The following DYM variants were observed in gnomAD, a reference collection of about 807,000 sequenced individuals.
DYM encodes dyggve-Melchior-Clausen syndrome protein.
A neutral mutation model predicts 93.1 loss-of-function variants in DYM; 78 were observed. That is an observed-to-expected ratio of 0.84 (90% CI 0.70 to 1.01). The LOEUF (loss-of-function observed/expected upper bound fraction) is 1.01. Among genes scored for constraint, DYM ranks in the 50% least tolerant of loss-of-function variants. The pLI is 0.00. For synonymous variants in DYM, 321 were observed against 319.7 expected, an observed-to-expected ratio of 1.00 and a Z score of -0.04; for missense variants, 789 against 845.0, an observed-to-expected ratio of 0.93 and a Z score of 0.82.
At chr18:49,309,115 G>C (rs994045735) in intron 8 of DYM, among the ~76,000 whole-genome samples, 1 of 152,138 alleles carries the variant, frequency 6.6e-6, no homozygotes, top group African/African-American at 2.4e-5. Flanking sequence ...AAAAAATTCA[G>C]ATTCAAATCC....
chr18:49,183,385 A>C (rs1433383805), intron 14 of DYM, among the ~76,000 whole-genome samples: 1 of 151,942 alleles, frequency 6.6e-6, no homozygotes, highest in East Asian at 1.9e-4. Context: ...TGCACTTCTA[A>C]ATTTGTGCCC....
intron 15 of DYM, among the ~76,000 whole-genome samples, chr18:49,121,597 C>A (rs908583902): frequency 6.6e-6 from 1 of 151,908 alleles, no homozygotes; most frequent in African/African-American, 2.4e-5. Flanking sequence ...CCAAAAGAAC[C>A]CATGTACTTA....
intron 15 of DYM, among the ~76,000 whole-genome samples, chr18:49,131,061 G>A (rs911526316): frequency 6.6e-6 from 1 of 152,168 alleles, no homozygotes; most frequent in African/African-American, 2.4e-5. Context: ...ACTATTTATG[G>A]TCTTGCGTAG....
rs1568120122 is a variant in DYM at position 49,258,837 on chromosome 18, CACAGAGAGAGAG to C, written c.1252-356_1252-345del. On this transcript the variant is annotated intron_variant, in intron 11 of 17. Transcript: ENST00000675505. Reference sequence around the variant, plus strand: ...ACACACACACAGAGACACACACACACACAGAGAGAGAGAGAGAGAGAGAGAGAGAGAGAGAGA... The same window carrying C: ...ACACACACACAGAGACACACACACACAGAGAGAGAGAGAGAGAGAGAGAGA... 7.2e-4 allele frequency among the ~76,000 whole-genome samples: 100 copies of C among 138,132 alleles called. 2 individuals carry two copies. Among genetic ancestry groups the C allele is most frequent in the East Asian group, 2.8e-3 (13 of 4,634 alleles). 90.6% of individuals were successfully genotyped at this position (138,132 alleles called of 152,430 possible).
At chr18:49,069,886 C>CAA (rs1215416752) in intron 17 of DYM, among the ~76,000 whole-genome samples, 1 of 152,140 alleles carries the variant, frequency 6.6e-6, no homozygotes, top group African/African-American at 2.4e-5. Context: ...ACTAAAAATA[C>CAA]AAAAATTAGC....
In DYM at chr18:49,050,763, G is replaced by A. The variant is rs569898967; in HGVS notation, c.2026-6559C>T. 2.6e-5 allele frequency among the ~76,000 whole-genome samples: 4 copies of A among 152,152 alleles called. No individual in the cohort carries two copies. The South Asian group carries it at 8.3e-4, about 32-fold the overall frequency. On this transcript the variant is annotated intron_variant, in intron 17 of 17. Transcript: ENST00000675505. ...GCCTCTCTCGGCTCACTGGCTTATT[G>A]CCTTCACAACACTCAGTGCAATTGG...
Position 49,180,769 on chromosome 18 carries a change from T to C in DYM, c.1626-16982A>G, listed in dbSNP as rs542464783. Among the ~76,000 whole-genome samples, 15 of 152,286 alleles carry C rather than the reference T, an allele frequency of 9.8e-5. No homozygotes were observed. In the South Asian group the frequency reaches 2.5e-3, roughly 25 times the overall value. On this transcript the variant is annotated intron_variant, in intron 14 of 17. Coordinates refer to ENST00000675505, the MANE Select transcript of DYM (RefSeq NM_001353214.3). ...CATGGGATTTCTGACACTTAATTTT[T>C]CTGAGACTCAGTTTCCTTATACTTG...
At chr18:49,366,678 C>T (rs2066545068) in intron 5 of DYM, among the ~76,000 whole-genome samples, 1 of 152,168 alleles carries the variant, frequency 6.6e-6, no homozygotes, top group African/African-American at 2.4e-5. Context: ...TAAATTACCA[C>T]AATAGGTCCA....
chr18:49,212,616 C>T (rs2092833100), intron 13 of DYM, among the ~76,000 whole-genome samples: 1 of 152,002 alleles, frequency 6.6e-6, no homozygotes, highest in African/African-American at 2.4e-5. Context: ...TTACCTCAGC[C>T]TCCCAAATAG....
intron 15 of DYM, among the ~76,000 whole-genome samples, chr18:49,135,733 T>C (rs1177956763): frequency 1.3e-5 from 2 of 152,210 alleles, no homozygotes; most frequent in East Asian, 3.9e-4. Flanking sequence ...TTTTAGAACA[T>C]TTAAGTACAT....
rs768509996 is a variant in DYM at position 49,379,744 on chromosome 18, G to T, written c.208C>A (p.Arg70=). 1 of 1,612,772 alleles carries T rather than the reference G, an allele frequency of 6.2e-7. No homozygotes were observed. The highest frequency in any genetic ancestry group is 1.3e-5 in the African/African-American group (1 of 74,874). ...ATTAGTGCACCAAGATTTCCTGTTC[G>T]AGGATTGTTTTCAACTGCAAGAGAA... The part of the protein sequence containing the change: ...VCRSLVENNP[R]TGNLGALIKV... The change falls in exon 4 of 18, where the codon CGA becomes AGA. Residue 70 remains arginine (R), a synonymous_variant. Coordinates refer to ENST00000675505, the MANE Select transcript of DYM (RefSeq NM_001353214.3).
intron 13 of DYM, among the ~76,000 whole-genome samples, chr18:49,220,927 C>A (rs1320972674): frequency 1.3e-5 from 2 of 152,160 alleles, no homozygotes; most frequent in Non-Finnish European, 2.9e-5. Flanking sequence ...AACTAAAGAG[C>A]TTCTGCACAG....
At chr18:49,120,559 T>A (rs571349130) in intron 15 of DYM, among the ~76,000 whole-genome samples, 12 of 152,318 alleles carry the variant, frequency 7.9e-5, no homozygotes, top group East Asian at 5.8e-4. Context: ...ACAGATTTTT[T>A]AAATCTGTGG....
chr18:49,433,704 C>T (rs757280958), intron 1 of DYM, among the ~76,000 whole-genome samples: 5 of 152,126 alleles, frequency 3.3e-5, no homozygotes, highest in Non-Finnish European at 5.9e-5. Context: ...CCCGTCTCTA[C>T]TAAAAATACA....
At chr18:49,368,787 C>G (rs1312151584) in intron 5 of DYM, 5 of 152,158 alleles carry the variant, frequency 3.3e-5, no homozygotes, top group African/African-American at 1.2e-4. Context: ...GAAGGTGATT[C>G]CAAAGAAAGA....
At chr18:49,117,660 C>G (rs185158378) in intron 16 of DYM, among the ~76,000 whole-genome samples, 1 of 152,162 alleles carries the variant, frequency 6.6e-6, no homozygotes, top group Admixed American at 6.6e-5. Flanking sequence ...TAAAACTCCT[C>G]TCTAAATAGT....
chr18:49,227,327 A>G (rs1332531918), intron 13 of DYM, among the ~76,000 whole-genome samples: 1 of 152,198 alleles, frequency 6.6e-6, no homozygotes, highest in Non-Finnish European at 1.5e-5. Flanking sequence ...AAATAAGGCC[A>G]ATTCTGCTGA....
chr18:49,234,483 T>C lies in DYM; in HGVS notation c.1460+22527A>G, dbSNP rs550268133. On this transcript the variant is annotated intron_variant, in intron 13 of 17. Transcript: ENST00000675505. ...AAAGAAAAGTCACCCAGTGTCTCAC[T>C]TCACTTTTTATTGTTTGCCTCCTCC... Among the ~76,000 whole-genome samples, 113 of 152,188 alleles carry C rather than the reference T, an allele frequency of 7.4e-4. 2 individuals carry two copies. The highest frequency in any genetic ancestry group is 2.7e-3 in the African/African-American group (112 of 41,532).
At chr18:49,226,155 C>T (rs2093520397) in intron 13 of DYM, among the ~76,000 whole-genome samples, 1 of 152,040 alleles carries the variant, frequency 6.6e-6, no homozygotes, top group African/African-American at 2.4e-5. Flanking sequence ...GTTTTGTAAA[C>T]AGTAAGTCAT....
Sources: gnomAD v4.1 joint callset for allele counts (sites outside exome capture counted in the v4.1 genomes callset) on GRCh38, gnomAD v4.1.1 for gene constraint, MANE v1.5 for transcripts, NCBI Gene and HGNC (gene_info 2026-07-23, HGNC 2026-07-21) for gene names.